The following C11orf65 variants were observed in gnomAD, a reference collection of about 807,000 sequenced individuals.
The protein encoded by C11orf65 is protein MFI.
Under a neutral mutation model 35.3 loss-of-function variants are expected in C11orf65, and 38 were observed. The observed-to-expected ratio is 1.08, with a 90% CI of 0.83 to 1.41. The LOEUF is 1.41. Among genes scored for constraint, C11orf65 ranks in the 40% most tolerant of loss-of-function variants. The pLI is 0.00. For synonymous variants in C11orf65, 105 were observed against 114.4 expected, an observed-to-expected ratio of 0.92 and a Z score of 0.53; for missense variants, 370 against 367.1, an observed-to-expected ratio of 1.01 and a Z score of -0.06.
intron 3 of C11orf65, among the ~76,000 whole-genome samples, chr11:108,417,722 A>G (rs1209841010): frequency 6.6e-6 from 1 of 151,928 alleles, no homozygotes; most frequent in Non-Finnish European, 1.5e-5. Flanking sequence ...ATGAGAATGA[A>G]CACATGGACA....
At chr11:108,442,567 G>A (rs1391878990) in intron 2 of C11orf65, among the ~76,000 whole-genome samples, 1 of 152,184 alleles carries the variant, frequency 6.6e-6, no homozygotes, top group African/African-American at 2.4e-5. Flanking sequence ...ATTAAGGGCA[G>A]CCAGAGAGAA....
chr11:108,346,856 A>G (rs558980133), intron 2 of C11orf65, among the ~76,000 whole-genome samples: 4 of 152,290 alleles, frequency 2.6e-5, no homozygotes, highest in Non-Finnish European at 4.4e-5. Flanking sequence ...AATATAATTC[A>G]TCAAGGAGAA....
chr11:108,450,673 TA>T lies in C11orf65; in HGVS notation c.81+10805del, dbSNP rs548367443. Among the ~76,000 whole-genome samples the T allele has an allele frequency of 1.5e-3, 227 of 150,362 alleles. 2 individuals carry two copies. The highest frequency in any genetic ancestry group is 5.4e-3 in the African/African-American group (221 of 40,648). Reference sequence around the variant, plus strand: ...TAGCATTAGGAGATATACCTAATGCTAAATGATGAGTTAATGGGTGCAGTAC... The same window carrying T: ...TAGCATTAGGAGATATACCTAATGCTAATGATGAGTTAATGGGTGCAGTAC... On this transcript the variant is annotated intron_variant, in intron 2 of 8. Transcript: ENST00000393084.
intron 2 of C11orf65, among the ~76,000 whole-genome samples, chr11:108,445,098 G>A (rs1408888021): frequency 2.6e-5 from 4 of 152,192 alleles, no homozygotes; most frequent in Non-Finnish European, 4.4e-5. Context: ...GGTAAACAAA[G>A]CAGCCGGGAA....
intron 2 of C11orf65, among the ~76,000 whole-genome samples, chr11:108,449,155 A>G (rs1348114248): frequency 6.6e-6 from 1 of 152,198 alleles, no homozygotes; most frequent in African/African-American, 2.4e-5. Context: ...AAATGGAAGA[A>G]CATTCCATGC....
At chr11:108,420,209 T>C (rs1264395188) in intron 3 of C11orf65, among the ~76,000 whole-genome samples, 1 of 152,194 alleles carries the variant, frequency 6.6e-6, no homozygotes, top group Admixed American at 6.5e-5. Flanking sequence ...TATAGAAAAC[T>C]ATAAAGCATT....
chr11:108,444,372 C>T (rs796282293), intron 2 of C11orf65, among the ~76,000 whole-genome samples: 8 of 152,078 alleles, frequency 5.3e-5, no homozygotes, highest in African/African-American at 9.7e-5. Context: ...GATTCACAGC[C>T]GAATTCTACC....
chr11:108,380,501 A>G (rs188923060), downstream of C11orf65, among the ~76,000 whole-genome samples: 1 of 152,222 alleles, frequency 6.6e-6, no homozygotes, highest in Non-Finnish European at 1.5e-5. Flanking sequence ...CATCCACTAC[A>G]GAAGAGACAT....
chr11:108,443,228 A>G (rs889389584), intron 2 of C11orf65, among the ~76,000 whole-genome samples: 1 of 152,204 alleles, frequency 6.6e-6, no homozygotes, highest in Non-Finnish European at 1.5e-5. Context: ...GAGACAAAGA[A>G]GGCCATTACG....
chr11:108,448,119 A>T (rs2093291590), intron 2 of C11orf65, among the ~76,000 whole-genome samples: 1 of 152,068 alleles, frequency 6.6e-6, no homozygotes, highest in Non-Finnish European at 1.5e-5. Flanking sequence ...CAATAACAGG[A>T]TCTGAAATTG....
At chr11:108,421,913 C>T (rs2092822582) in intron 3 of C11orf65, among the ~76,000 whole-genome samples, 2 of 152,112 alleles carry the variant, frequency 1.3e-5, no homozygotes, top group Admixed American at 1.3e-4. Context: ...TTCCAGAGTT[C>T]CAATAAAGTT....
chr11:108,328,273 GTCTC>G (rs1335330729), downstream of C11orf65, among the ~76,000 whole-genome samples: 1 of 152,068 alleles, frequency 6.6e-6, no homozygotes, highest in African/African-American at 2.4e-5. Flanking sequence ...TTGAGATGAA[GTCTC>G]TCTCTGTCGC....
At chr11:108,377,763 G>C (rs1340330935), downstream of C11orf65, among the ~76,000 whole-genome samples, 1 of 151,932 alleles carries the variant, frequency 6.6e-6, no homozygotes, top group East Asian at 1.9e-4. Context: ...TCCTTAAGCT[G>C]ATAAGCAACT....
intron 6 of C11orf65, among the ~76,000 whole-genome samples, chr11:108,319,146 C>T (rs2085004163): frequency 1.3e-5 from 2 of 152,144 alleles, no homozygotes; most frequent in Non-Finnish European, 2.9e-5. Context: ...CACTGCACTC[C>T]ATCCTAGGCA....
intron 2 of C11orf65, among the ~76,000 whole-genome samples, chr11:108,377,478 T>C (rs1400553852): frequency 6.6e-6 from 1 of 152,120 alleles, no homozygotes; most frequent in Non-Finnish European, 1.5e-5. Context: ...ATGGGACGTA[T>C]CTCAAAATAA....
rs1353660270 is a variant in C11orf65, at chr11:108,339,355, C to T, written c.227-4063G>A. On this transcript the variant is annotated intron_variant, in intron 2 of 3. Coordinates refer to the C11orf65 transcript ENST00000524755. ...CTTGTGCCAATAAATAATTTTTATT[C>T]CTTGTCATGCATATTTCAGAGCATC... is the stretch of plus-strand genomic sequence containing the variant. 2.0e-5 allele frequency among the ~76,000 whole-genome samples: 3 copies of T among 152,214 alleles called. No individual in the cohort carries two copies. In the East Asian group the frequency reaches 5.8e-4, roughly 29 times the overall value.
At chr11:108,388,058 T>C (rs1488612953) in intron 7 of C11orf65, among the ~76,000 whole-genome samples, 1 of 152,204 alleles carries the variant, frequency 6.6e-6, no homozygotes, top group African/African-American at 2.4e-5. Context: ...CTTTGTGCTT[T>C]CAGTGGTTGC....
chr11:108,333,843 G>C (rs753861164), intron 3 of C11orf65: 3 of 1,460,162 alleles, frequency 2.1e-6, no homozygotes, highest in Non-Finnish European at 2.9e-6. Flanking sequence ...CTTCAATGCT[G>C]TTCCTCAGTT....
At position 108,356,104 on chromosome 11, in the gene C11orf65, T is replaced by C. The variant is rs1444019547; in HGVS notation, c.227-20812A>G. ...TGTTGTCATTTGTTACAGTTTGCCA[T>C]TGGTTCTGCAGTAAGAATAAATGAT... is the stretch of plus-strand genomic sequence containing the variant. On this transcript the variant is annotated intron_variant, in intron 2 of 3. Coordinates refer to the C11orf65 transcript ENST00000524755. 4 of 152,350 alleles carry C rather than the reference T, an allele frequency of 2.6e-5. No individual in the cohort carries two copies. The East Asian group carries it at 5.8e-4, about 22-fold the overall frequency. The allele number at this position is 152,350 out of a possible 1,614,324, so 9.4% of individuals were successfully genotyped here. A position where few individuals can be genotyped will look rare whatever the true frequency, so the allele number is the denominator to read the frequency against.
Sources: gnomAD v4.1 joint callset for allele counts (sites outside exome capture counted in the v4.1 genomes callset) on GRCh38, gnomAD v4.1.1 for gene constraint, MANE v1.5 for transcripts, NCBI Gene and HGNC (gene_info 2026-07-23, HGNC 2026-07-21) for gene names.